Variants in DTNB observed in about 807,000 individuals in gnomAD.
DTNB encodes DTN-B.
A neutral mutation model predicts 90.7 loss-of-function variants in DTNB; 63 were observed. That is an observed-to-expected ratio of 0.69 (90% CI 0.57 to 0.86). The LOEUF is 0.86. DTNB is among the 40% of genes least tolerant of loss of function. The probability of loss-of-function intolerance (pLI) is 0.00; values close to 1 mark genes in which losing one functional copy is unlikely to be tolerated. For missense variants in DTNB, 744 were observed against 807.1 expected (o/e 0.92, Z 0.95); for synonymous variants, 277 against 286.7 (o/e 0.97, Z 0.34).
At chr2:25,406,378 A>C (rs2045173799) in intron 16 of DTNB, among the ~76,000 whole-genome samples, 1 of 151,686 alleles carries the variant, frequency 6.6e-6, no homozygotes, top group Non-Finnish European at 1.5e-5. Flanking sequence ...CTAAAAATAC[A>C]AAAAAAATTA....
At chr2:25,393,132 A>C (rs995028115) in intron 16 of DTNB, among the ~76,000 whole-genome samples, 2 of 152,240 alleles carry the variant, frequency 1.3e-5, no homozygotes, top group Admixed American at 6.5e-5. Context: ...TAAAAACAAA[A>C]ATCACATGAT....
chr2:25,616,174 G>T (rs1417126649), intron 4 of DTNB, among the ~76,000 whole-genome samples: 2 of 152,180 alleles, frequency 1.3e-5, no homozygotes, highest in Non-Finnish European at 2.9e-5. Flanking sequence ...AGACAGACAG[G>T]AAAGTGTGGC....
intron 3 of DTNB, among the ~76,000 whole-genome samples, chr2:25,634,115 G>C (rs1190230892): frequency 6.6e-6 from 1 of 150,876 alleles, no homozygotes; most frequent in Non-Finnish European, 1.5e-5. Context: ...AGGTGGGCGA[G>C]TCAGCCCCCT....
At chr2:25,404,761 A>G (rs1422250974) in intron 16 of DTNB, among the ~76,000 whole-genome samples, 1 of 152,082 alleles carries the variant, frequency 6.6e-6, no homozygotes, top group Non-Finnish European at 1.5e-5. Context: ...AGGCTGAGGC[A>G]GGAGAATCGC....
chr2:25,629,298 TC>T (rs1463307750), intron 3 of DTNB, among the ~76,000 whole-genome samples: 1 of 152,206 alleles, frequency 6.6e-6, no homozygotes, highest in Non-Finnish European at 1.5e-5. Flanking sequence ...AAGTATACTT[TC>T]CAACGCTGAA....
intron 8 of DTNB, among the ~76,000 whole-genome samples, chr2:25,574,301 T>C (rs2060327567): frequency 6.6e-6 from 1 of 152,202 alleles, no homozygotes; most frequent in Non-Finnish European, 1.5e-5. Flanking sequence ...AGTAGGTGTT[T>C]AAAAAATAAA....
rs936036448 is a variant in DTNB at position 25,432,830 on chromosome 2, A to G, written c.1457+56T>C. On this transcript the variant is annotated intron_variant, in intron 14 of 20. Coordinates refer to ENST00000406818, the MANE Select transcript of DTNB (RefSeq NM_021907.5). ...TACCCCACTCCTTTGGTTTCCTCAGATAAGTTCCATCCATAGTAGATTACA... is the reference window on the plus strand; with the variant it reads ...TACCCCACTCCTTTGGTTTCCTCAGGTAAGTTCCATCCATAGTAGATTACA... The G allele has an allele frequency of 1.6e-5, 24 of 1,523,554 alleles. No individual in the cohort carries two copies. In the African/African-American group the frequency reaches 1.6e-4, roughly 10 times the overall value. The allele number at this position is 1,523,554 out of a possible 1,614,324, so 94.4% of individuals were successfully genotyped here.
intron 6 of DTNB, among the ~76,000 whole-genome samples, chr2:25,588,995 C>A (rs180914934): frequency 6.6e-6 from 1 of 152,216 alleles, no homozygotes; most frequent in Non-Finnish European, 1.5e-5. Context: ...ACCTGCCAGG[C>A]AATGCTTGCC....
At chr2:25,495,072 CTT>C (rs894568051) in intron 9 of DTNB, among the ~76,000 whole-genome samples, 1 of 147,424 alleles carries the variant, frequency 6.8e-6, no homozygotes. Flanking sequence ...TGGTATTTCT[CTT>C]TTTTTTTTTG....
At chr2:25,650,644 T>C (rs1267243585) in intron 2 of DTNB, among the ~76,000 whole-genome samples, 2 of 152,032 alleles carry the variant, frequency 1.3e-5, no homozygotes, top group African/African-American at 4.8e-5. Flanking sequence ...GAGAAGCAAG[T>C]AAAGGAATGT....
intron 3 of DTNB, among the ~76,000 whole-genome samples, chr2:25,635,813 C>T (rs1414277880): frequency 1.3e-5 from 2 of 152,086 alleles, no homozygotes; most frequent in East Asian, 1.9e-4. Context: ...AAAGAAAAGC[C>T]GAGCAAAGTA....
rs530896441 is a variant in DTNB at position 25,408,372 on chromosome 2, C to A, written c.1575+11143G>T. On this transcript the variant is annotated intron_variant, in intron 16 of 20. Transcript: ENST00000406818. ...TAATGAAATCCCATCTCTACCTCCC[C>A]CAAAAAACCAACAAAAATTAGTTGG... Among the ~76,000 whole-genome samples, 9 of 151,340 alleles carry A rather than the reference C, an allele frequency of 5.9e-5. No homozygotes were observed. In the East Asian group the frequency reaches 1.6e-3, roughly 26 times the overall value.
chr2:25,534,314 G>GT (rs1314739471), intron 8 of DTNB, among the ~76,000 whole-genome samples: 2 of 152,204 alleles, frequency 1.3e-5, no homozygotes, highest in African/African-American at 4.8e-5. Context: ...AGAGCAGGGG[G>GT]TTGGGGGTAA....
At chr2:25,626,689 G>T (rs1315045925) in intron 4 of DTNB, among the ~76,000 whole-genome samples, 1 of 152,214 alleles carries the variant, frequency 6.6e-6, no homozygotes, top group Non-Finnish European at 1.5e-5. Context: ...AATTTAGTGA[G>T]TGCTTAAATT....
chr2:25,536,226 G>A (rs537281565), intron 8 of DTNB, among the ~76,000 whole-genome samples: 22 of 150,354 alleles, frequency 1.5e-4, no homozygotes, highest in East Asian at 1.0e-3. Context: ...CAGACGGGGC[G>A]GCCGGGCAGA....
intron 10 of DTNB, among the ~76,000 whole-genome samples, chr2:25,463,387 A>G (rs1439684985): frequency 6.6e-6 from 1 of 152,132 alleles, no homozygotes; most frequent in Non-Finnish European, 1.5e-5. Flanking sequence ...GCAACTTCTT[A>G]GGAGTTCTCG....
chr2:25,570,392 G>A (rs1240839988), intron 8 of DTNB, among the ~76,000 whole-genome samples: 3 of 118,548 alleles, frequency 2.5e-5, no homozygotes, highest in South Asian at 2.9e-4. Flanking sequence ...GGACAATAGA[G>A]TGGTTTCCTG....
chr2:25,618,632 A>G (rs2071507845), intron 4 of DTNB, among the ~76,000 whole-genome samples: 1 of 152,270 alleles, frequency 6.6e-6, no homozygotes, highest in Admixed American at 6.5e-5. Flanking sequence ...AACGCCATTA[A>G]CAGTGAATAC....
rs189897413 is a variant in DTNB, at chr2:25,530,062, T to C, written c.1001+1411A>G. ...GGTAACCAACTTAAAAATGGTGATA[T>C]AATTATGAAAAACAGGGATGGGTTG... On this transcript the variant is annotated intron_variant, in intron 9 of 20. Transcript: ENST00000406818. 2.5e-3 allele frequency among the ~76,000 whole-genome samples: 375 copies of C among 152,276 alleles called. 2 individuals carry two copies. Among genetic ancestry groups the C allele is most frequent in the Non-Finnish European group, 4.1e-3 (276 of 68,028 alleles).
Sources: gnomAD v4.1 joint callset for allele counts (sites outside exome capture counted in the v4.1 genomes callset) on GRCh38, gnomAD v4.1.1 for gene constraint, MANE v1.5 for transcripts, NCBI Gene and HGNC (gene_info 2026-07-23, HGNC 2026-07-21) for gene names.